ZFHX3: variants seen among roughly 807,000 people sequenced by gnomAD.
The protein encoded by ZFHX3 is zinc finger homeobox protein 3.
A neutral mutation model predicts 279.1 loss-of-function variants in ZFHX3; 42 were observed. The observed-to-expected ratio is 0.15, with a 90% CI of 0.12 to 0.19. The LOEUF (loss-of-function observed/expected upper bound fraction) is 0.19. Ranked by LOEUF, ZFHX3 falls within the 10% of genes least tolerant of loss-of-function variation. The probability of loss-of-function intolerance (pLI) is 1.00; values close to 1 mark genes in which losing one functional copy is unlikely to be tolerated. For synonymous variants in ZFHX3, 2,293 were observed against 1,957.8 expected (o/e 1.17, Z -4.52); for missense variants, 4,981 against 4,754.0 (o/e 1.05, Z -1.40).
At chr16:73,712,183 T>A (rs927711076) in intron 1 of ZFHX3, among the ~76,000 whole-genome samples, 1 of 152,054 alleles carries the variant, frequency 6.6e-6, no homozygotes, top group Admixed American at 6.6e-5. Flanking sequence ...GCCACCAAGT[T>A]TGTGAGGTTG....
intron 2 of ZFHX3, among the ~76,000 whole-genome samples, chr16:73,627,023 A>G (rs1012731033): frequency 1.3e-5 from 2 of 152,208 alleles, no homozygotes; most frequent in African/African-American, 4.8e-5. Flanking sequence ...TATTGTAGAG[A>G]AGATTGATAT....
intron 7 of ZFHX3, among the ~76,000 whole-genome samples, chr16:72,800,832 T>C (rs1480685250): frequency 6.6e-6 from 1 of 152,148 alleles, no homozygotes; most frequent in African/African-American, 2.4e-5. Flanking sequence ...GTCCCAGCGA[T>C]AGAGGGTGGC....
At chr16:73,407,446 C>A (rs2017383136) in intron 3 of ZFHX3, among the ~76,000 whole-genome samples, 1 of 152,202 alleles carries the variant, frequency 6.6e-6, no homozygotes, top group Non-Finnish European at 1.5e-5. Context: ...CTGAGACCCA[C>A]ACAGCTTGGC....
chr16:73,575,085 T>C (rs2051786060), intron 2 of ZFHX3, among the ~76,000 whole-genome samples: 1 of 152,196 alleles, frequency 6.6e-6, no homozygotes, highest in Admixed American at 6.5e-5. Flanking sequence ...TGGCGCACAG[T>C]TTGACTTCTT....
chr16:73,302,484 T>C (rs963154148), intron 4 of ZFHX3, among the ~76,000 whole-genome samples: 2 of 152,198 alleles, frequency 1.3e-5, no homozygotes, highest in Non-Finnish European at 2.9e-5. Context: ...ATACTGCGGC[T>C]TCCACCAGTC....
intron 2 of ZFHX3, among the ~76,000 whole-genome samples, chr16:73,607,671 C>G (rs2052204688): frequency 6.6e-6 from 1 of 152,168 alleles, no homozygotes; most frequent in Non-Finnish European, 1.5e-5. Flanking sequence ...AATACTACTA[C>G]TTACCCACAG....
chr16:73,860,318 C>G (rs1025893177), intron 1 of ZFHX3, among the ~76,000 whole-genome samples: 2 of 152,008 alleles, frequency 1.3e-5, no homozygotes, highest in Non-Finnish European at 2.9e-5. Flanking sequence ...GTTCTCTGTG[C>G]TTCATAATTT....
intron 4 of ZFHX3, among the ~76,000 whole-genome samples, chr16:73,268,617 A>G (rs1164908765): frequency 1.3e-5 from 2 of 152,314 alleles, no homozygotes; most frequent in East Asian, 3.9e-4. Context: ...GCTCTGTGCT[A>G]ATTCAGAAGA....
intron 7 of ZFHX3, among the ~76,000 whole-genome samples, chr16:72,806,274 T>A (rs1204379166): frequency 6.6e-6 from 1 of 152,192 alleles, no homozygotes; most frequent in Non-Finnish European, 1.5e-5. Context: ...GAAACAAATG[T>A]AGCTCAGAAC....
intron 2 of ZFHX3, among the ~76,000 whole-genome samples, chr16:73,670,943 T>G (rs902144817): frequency 6.6e-5 from 10 of 152,230 alleles, no homozygotes; most frequent in Admixed American, 2.0e-4. Context: ...CTACAGTTAC[T>G]AATATGACTT....
At chr16:73,726,256 T>C (rs2142243325) in intron 1 of ZFHX3, among the ~76,000 whole-genome samples, 1 of 152,258 alleles carries the variant, frequency 6.6e-6, no homozygotes, top group South Asian at 2.1e-4. Context: ...ATTGTGAGGG[T>C]AAATGTGTAA....
chr16:73,534,441 A>T (rs1221052696), intron 2 of ZFHX3, among the ~76,000 whole-genome samples: 1 of 152,062 alleles, frequency 6.6e-6, no homozygotes, highest in Admixed American at 6.5e-5. Context: ...GCTTTATTCC[A>T]TCTCATGCAT....
At chr16:72,789,803 C>G (rs1262790394) in intron 9 of ZFHX3, 1 of 152,250 alleles carries the variant, frequency 6.6e-6, no homozygotes, top group Admixed American at 6.5e-5. Context: ...CGACCATCTT[C>G]TTTTCCTGCC....
intron 2 of ZFHX3, among the ~76,000 whole-genome samples, chr16:73,583,093 AT>A: frequency 6.6e-6 from 1 of 152,346 alleles, no homozygotes; most frequent in Admixed American, 6.5e-5. Context: ...TTTCCCAGCT[AT>A]GGAGACGCTG....
chr16:72,788,662 G>A lies in ZFHX3; in HGVS notation c.9614C>T (p.Pro3205Leu), dbSNP rs1567509062. The change falls in exon 10 of 10, where the codon CCA becomes CTA. Residue 3205 changes from proline to leucine, a missense_variant. Transcript: ENST00000268489. The part of the protein sequence containing the change: ...PPQQQQQQQQ[P>L]QVQQPPPPPA... ...CGGCGGGGGAGGCTGCTGCACCTGT[G>A]GTTGCTGCTGCTGCTGCTGCTGCTG... 1 of 1,607,120 alleles carries A rather than the reference G, an allele frequency of 6.2e-7. No individual in the cohort carries two copies. Among genetic ancestry groups the A allele is most frequent in the East Asian group, 2.3e-5 (1 of 44,442 alleles).
chr16:73,689,066 C>A (rs956168654), intron 1 of ZFHX3, among the ~76,000 whole-genome samples: 9 of 152,130 alleles, frequency 5.9e-5, no homozygotes, highest in Admixed American at 2.6e-4. Context: ...AACACAATGG[C>A]CAAACAAAAC....
At chr16:73,304,986 G>C (rs1384907538) in intron 4 of ZFHX3, among the ~76,000 whole-genome samples, 1 of 152,114 alleles carries the variant, frequency 6.6e-6, no homozygotes, top group Non-Finnish European at 1.5e-5. Flanking sequence ...ATAGATTCCA[G>C]ATTCAGCATT....
intron 4 of ZFHX3, among the ~76,000 whole-genome samples, chr16:72,845,319 C>T (rs1456695578): frequency 1.3e-5 from 2 of 152,270 alleles, no homozygotes; most frequent in African/African-American, 2.4e-5. Context: ...GGCTGCAGCC[C>T]GGCCTGTGAT....
At chr16:72,792,555 G>A (rs567099962) in intron 9 of ZFHX3, among the ~76,000 whole-genome samples, 50 of 152,166 alleles carry the variant, frequency 3.3e-4, no homozygotes, top group African/African-American at 1.0e-3. Flanking sequence ...GGGTTCAAGC[G>A]ATTCTCCTGC....
Sources: allele counts gnomAD v4.1 joint callset (sites outside exome capture counted in the v4.1 genomes callset), GRCh38; gene constraint gnomAD v4.1.1; transcripts MANE v1.5; gene names NCBI Gene and HGNC (gene_info 2026-07-23, HGNC 2026-07-21).